SNTG1: variants seen among roughly 807,000 people sequenced by gnomAD.
SNTG1 encodes the protein gamma-1-syntrophin.
Under a neutral mutation model 74.7 loss-of-function variants are expected in SNTG1, and 39 were observed. The observed-to-expected ratio is 0.52, with a 90% CI of 0.40 to 0.68. The LOEUF (loss-of-function observed/expected upper bound fraction) is 0.68. Among genes scored for constraint, SNTG1 ranks in the 30% least tolerant of loss-of-function variants. The pLI is 0.00. For synonymous variants in SNTG1, 254 were observed against 217.1 expected, an observed-to-expected ratio of 1.17 and a Z score of -1.49; for missense variants, 685 against 609.5, an observed-to-expected ratio of 1.12 and a Z score of -1.30.
At chr8:50,021,699 C>T (rs994161484) in intron 1 of SNTG1, among the ~76,000 whole-genome samples, 1 of 151,914 alleles carries the variant, frequency 6.6e-6, no homozygotes, top group Admixed American at 6.6e-5. Flanking sequence ...TGTTGGGAGC[C>T]CAAAGTGGGA....
chr8:50,739,358 A>T (rs546666300), intron 17 of SNTG1, among the ~76,000 whole-genome samples: 5 of 152,218 alleles, frequency 3.3e-5, no homozygotes, highest in African/African-American at 9.6e-5. Context: ...CAAAACCACA[A>T]TGAGACACCA....
chr8:50,564,117 C>CG (rs1293655075), intron 12 of SNTG1, among the ~76,000 whole-genome samples: 1 of 133,576 alleles, frequency 7.5e-6, no homozygotes, highest in Admixed American at 7.1e-5. Flanking sequence ...TGTTGCAGTC[C>CG]GTTTTTTTTT....
chr8:50,511,821 G>T (rs1242291035), intron 9 of SNTG1, among the ~76,000 whole-genome samples: 1 of 152,076 alleles, frequency 6.6e-6, no homozygotes, highest in Non-Finnish European at 1.5e-5. Context: ...CTGCACGTGA[G>T]GTGGGTTTCC....
intron 17 of SNTG1, among the ~76,000 whole-genome samples, chr8:50,744,857 G>C (rs1202509556): frequency 6.6e-6 from 1 of 151,890 alleles, no homozygotes; most frequent in African/African-American, 2.4e-5. Flanking sequence ...CCTGCAAAAG[G>C]ATAAAGTTAG....
chr8:50,509,057 T>C (rs1445738494), intron 9 of SNTG1, among the ~76,000 whole-genome samples: 1 of 152,242 alleles, frequency 6.6e-6, no homozygotes, highest in Non-Finnish European at 1.5e-5. Context: ...GTTTTAGGTC[T>C]AACATTTAAG....
intron 1 of SNTG1, among the ~76,000 whole-genome samples, chr8:50,020,641 T>A (rs1294705913): frequency 2.0e-5 from 3 of 152,096 alleles, no homozygotes. Context: ...ACACACATCT[T>A]TTTACAAAGG....
chr8:50,156,187 T>A (rs2082249099), intron 1 of SNTG1, among the ~76,000 whole-genome samples: 2 of 152,140 alleles, frequency 1.3e-5, no homozygotes, highest in African/African-American at 4.8e-5. Context: ...ATTAGTCAAC[T>A]CTACTAAAAC....
At position 50,023,046 on chromosome 8, in the gene SNTG1, C is replaced by T. The variant is rs79283570; in HGVS notation, c.-103+110815C>T. Among the ~76,000 whole-genome samples, 1,222 of 152,258 alleles carry T rather than the reference C, an allele frequency of 8.0e-3. 23 individuals carry two copies. Among genetic ancestry groups the T allele is most frequent in the African/African-American group, 0.028 (1,148 of 41,550 alleles). ...TGAATATACGATAGGAAAACTATGT[C>T]AACACCAGTCTGAGAAATCCGGTCC... On this transcript the variant is annotated intron_variant, in intron 1 of 18. Transcript: ENST00000642720.
At chr8:50,283,150 A>T (rs2088571962) in intron 2 of SNTG1, among the ~76,000 whole-genome samples, 1 of 152,232 alleles carries the variant, frequency 6.6e-6, no homozygotes, top group South Asian at 2.1e-4. Flanking sequence ...GAAACAAAAA[A>T]GCGACAAAAA....
At chr8:50,060,531 T>G (rs1236182485) in intron 1 of SNTG1, among the ~76,000 whole-genome samples, 1 of 152,034 alleles carries the variant, frequency 6.6e-6, no homozygotes, top group Non-Finnish European at 1.5e-5. Context: ...TTAGATGGTG[T>G]GATTTATGGG....
chr8:50,761,216 C>T lies in SNTG1; in HGVS notation c.1395+9105C>T, dbSNP rs528366670. Among the ~76,000 whole-genome samples the T allele has an allele frequency of 2.3e-3, 350 of 152,104 alleles. 2 individuals carry two copies. Among genetic ancestry groups the T allele is most frequent in the South Asian group, 0.018 (89 of 4,826 alleles). ...ATCCCTGGGATCAAGGCTGTTTCAA[C>T]ATACACAAATCAATAAACGTTAATT... On this transcript the variant is annotated intron_variant, in intron 18 of 18. Coordinates refer to ENST00000642720, the MANE Select transcript of SNTG1 (RefSeq NM_018967.5).
intron 1 of SNTG1, among the ~76,000 whole-genome samples, chr8:49,924,143 A>G (rs1806809528): frequency 6.6e-6 from 1 of 152,214 alleles, no homozygotes; most frequent in Non-Finnish European, 1.5e-5. Context: ...TGTAACTAAT[A>G]GGGTATCAAA....
intron 2 of SNTG1, among the ~76,000 whole-genome samples, chr8:50,377,724 T>C (rs2092412842): frequency 6.6e-6 from 1 of 152,206 alleles, no homozygotes. Flanking sequence ...TGCCTAATAT[T>C]AATTTAAGAA....
chr8:50,266,526 A>G (rs2087473896), intron 2 of SNTG1, among the ~76,000 whole-genome samples: 1 of 151,802 alleles, frequency 6.6e-6, no homozygotes, highest in African/African-American at 2.4e-5. Context: ...TTGATTATGC[A>G]ATGACTTCTT....
At chr8:50,176,900 C>T (rs536832263) in intron 2 of SNTG1, among the ~76,000 whole-genome samples, 51 of 152,124 alleles carry the variant, frequency 3.4e-4, no homozygotes, top group Non-Finnish European at 7.2e-4. Context: ...CTTGGTATTG[C>T]TTTCCCTCAT....
chr8:50,046,022 C>A (rs1471047196), intron 1 of SNTG1, among the ~76,000 whole-genome samples: 1 of 152,154 alleles, frequency 6.6e-6, no homozygotes, highest in Non-Finnish European at 1.5e-5. Flanking sequence ...ATACTCAACT[C>A]CATGATTTTA....
chr8:50,668,425 TCCAA>T, intron 15 of SNTG1, among the ~76,000 whole-genome samples: 1 of 151,344 alleles, frequency 6.6e-6, no homozygotes, highest in Non-Finnish European at 1.5e-5. Context: ...TGTTTTTTTT[TCCAA>T]GGAGAGGTTT....
rs567974811 is a variant in SNTG1, at chr8:50,794,110, C to G, written c.*1281C>G. 1.3e-3 allele frequency: 200 copies of G among 150,004 alleles called. 1 individual carries two copies. The highest frequency in any genetic ancestry group is 4.7e-3 in the African/African-American group (191 of 40,836). 9.3% of individuals were successfully genotyped at this position (150,004 alleles called of 1,614,324 possible). On this transcript the variant is annotated 3_prime_UTR_variant, in exon 19 of 19. Transcript: ENST00000642720. ...TTTTTGAGATATTTTAAAAAGTCAG[C>G]TGTGTATGTAAAAAAAAAAAAAAAT...
intron 15 of SNTG1, among the ~76,000 whole-genome samples, chr8:50,693,403 G>C (rs528181294): frequency 1.1e-4 from 16 of 152,086 alleles, no homozygotes; most frequent in Middle Eastern, 3.4e-3. Flanking sequence ...CTCCTCCCCC[G>C]GGATAAGTTC....
Sources: allele counts gnomAD v4.1 joint callset (sites outside exome capture counted in the v4.1 genomes callset), GRCh38; gene constraint gnomAD v4.1.1; transcripts MANE v1.5; gene names NCBI Gene and HGNC (gene_info 2026-07-23, HGNC 2026-07-21).